Variants in UNC5C observed in about 807,000 individuals in gnomAD.
The protein encoded by UNC5C is unc-5 netrin receptor C, also known as netrin receptor UNC5C.
Under a neutral mutation model 99.8 loss-of-function variants are expected in UNC5C, and 47 were observed. The ratio of observed to expected loss-of-function variants is 0.47; its 90% CI spans 0.37 to 0.60. UNC5C has a LOEUF of 0.60. UNC5C is among the 20% of genes least tolerant of loss of function. The pLI is 0.00. For synonymous variants in UNC5C, 487 were observed against 452.2 expected (o/e 1.08, Z -0.98); for missense variants, 1,062 against 1,165.9 (o/e 0.91, Z 1.30).
chr4:95,247,862 C>G (rs1739558595), intron 5 of UNC5C: 1 of 152,294 alleles, frequency 6.6e-6, no homozygotes, highest in African/African-American at 2.4e-5. Context: ...TTATTTATGA[C>G]TGGCACATGC....
At chr4:95,544,662 A>T (rs1271922960) in intron 1 of UNC5C, among the ~76,000 whole-genome samples, 3 of 152,218 alleles carry the variant, frequency 2.0e-5, no homozygotes, top group Non-Finnish European at 1.5e-5. Flanking sequence ...ATTGCTTAAG[A>T]ACTTTACTTC....
At chr4:95,344,535 A>C (rs1034244480) in intron 1 of UNC5C, among the ~76,000 whole-genome samples, 1 of 152,116 alleles carries the variant, frequency 6.6e-6, no homozygotes, top group Non-Finnish European at 1.5e-5. Context: ...AGTATACGAA[A>C]AACACACAAT....
At chr4:95,387,676 TA>T (rs1253565995) in intron 1 of UNC5C, among the ~76,000 whole-genome samples, 8 of 152,246 alleles carry the variant, frequency 5.3e-5, no homozygotes, top group Admixed American at 5.2e-4. Flanking sequence ...TGAACTTTTG[TA>T]ATCTGCCAGT....
At chr4:95,284,179 T>C (rs1243583359) in intron 3 of UNC5C, among the ~76,000 whole-genome samples, 1 of 152,152 alleles carries the variant, frequency 6.6e-6, no homozygotes, top group African/African-American at 2.4e-5. Flanking sequence ...GCAGAATACA[T>C]GATTCATGGC....
chr4:95,469,376 T>A (rs1323036134), intron 1 of UNC5C, among the ~76,000 whole-genome samples: 1 of 152,172 alleles, frequency 6.6e-6, no homozygotes, highest in Non-Finnish European at 1.5e-5. Context: ...ATCTTTCACC[T>A]TCCTTTTGGT....
In UNC5C at chr4:95,519,159, C is replaced by T. The variant is rs144399674; in HGVS notation, c.124+29575G>A. Among the ~76,000 whole-genome samples the T allele has an allele frequency of 6.4e-3, 980 of 152,122 alleles. 12 individuals carry two copies. The highest frequency in any genetic ancestry group is 0.022 in the African/African-American group (914 of 41,516). On this transcript the variant is annotated intron_variant, in intron 1 of 15. Coordinates refer to ENST00000453304, the MANE Select transcript of UNC5C (RefSeq NM_003728.4). ...AGTTAAAGAGAATTTTATTATGATG[C>T]TTGAGTAGTCTGCTAAACTGCAAGC...
intron 4 of UNC5C, among the ~76,000 whole-genome samples, chr4:95,269,405 C>T (rs1006420579): frequency 3.3e-5 from 5 of 152,164 alleles, no homozygotes; most frequent in Non-Finnish European, 7.3e-5. Context: ...AGTGATCCTG[C>T]CACCTCAGTT....
rs1246523274 is a variant in UNC5C, at chr4:95,250,356, G to C, written c.775+131C>G. 4.1e-6 allele frequency: 4 copies of C among 975,030 alleles called. No individual in the cohort carries two copies. In the African/African-American group the frequency reaches 6.6e-5, roughly 16 times the overall value. The allele number at this position is 975,030 out of a possible 1,614,324, so 60.4% of individuals were successfully genotyped here. On this transcript the variant is annotated intron_variant, in intron 5 of 15. Transcript: ENST00000453304. ...GCTACGGTCATGCCATTGCACGCCA[G>C]CCTGGGTGACAGAGCAAGACCCTGT...
At chr4:95,431,912 T>A (rs1017276166) in intron 1 of UNC5C, among the ~76,000 whole-genome samples, 5 of 152,144 alleles carry the variant, frequency 3.3e-5, no homozygotes, top group African/African-American at 1.2e-4. Context: ...GCCACAGGCA[T>A]GATTTCTGAA....
chr4:95,181,273 CTG>C (rs1296447805), intron 14 of UNC5C, among the ~76,000 whole-genome samples: 1 of 152,220 alleles, frequency 6.6e-6, no homozygotes, highest in African/African-American at 2.4e-5. Context: ...AATCTTTCCT[CTG>C]TGTTGCCATA....
chr4:95,489,626 G>C (rs779470887), intron 1 of UNC5C, among the ~76,000 whole-genome samples: 51 of 151,676 alleles, frequency 3.4e-4, no homozygotes, highest in Non-Finnish European at 1.8e-4. Context: ...TGCCCTGGAA[G>C]GGAGCAGAGA....
intron 1 of UNC5C, among the ~76,000 whole-genome samples, chr4:95,529,161 A>G (rs1722572690): frequency 6.6e-6 from 1 of 151,390 alleles, no homozygotes; most frequent in South Asian, 2.1e-4. Flanking sequence ...ATTTCTCTCT[A>G]TGGGATATAC....
chr4:95,461,392 T>C (rs1432019378), intron 1 of UNC5C, among the ~76,000 whole-genome samples: 1 of 137,748 alleles, frequency 7.3e-6, no homozygotes, highest in Admixed American at 7.0e-5. Flanking sequence ...AAATACTGTA[T>C]TGTGAACATA....
chr4:95,319,144 T>C (rs1320233195), intron 2 of UNC5C, among the ~76,000 whole-genome samples: 3 of 152,204 alleles, frequency 2.0e-5, no homozygotes, highest in Admixed American at 2.0e-4. Flanking sequence ...AACATCTCTC[T>C]TGTACCCTGG....
At chr4:95,514,132 T>C (rs1168340304) in intron 1 of UNC5C, among the ~76,000 whole-genome samples, 1 of 152,174 alleles carries the variant, frequency 6.6e-6, no homozygotes, top group Non-Finnish European at 1.5e-5. Context: ...CATCGTCTCA[T>C]TCCACAGAAC....
At chr4:95,511,174 G>A (rs1012408192) in intron 1 of UNC5C, among the ~76,000 whole-genome samples, 1 of 152,138 alleles carries the variant, frequency 6.6e-6, no homozygotes, top group African/African-American at 2.4e-5. Context: ...TGCTGACCTT[G>A]TCAAATTAGC....
At chr4:95,342,812 A>G (rs963003465) in intron 1 of UNC5C, among the ~76,000 whole-genome samples, 9 of 151,898 alleles carry the variant, frequency 5.9e-5, no homozygotes, top group Admixed American at 5.9e-4. Context: ...CTGAAGGAAG[A>G]GTCACCACAA....
chr4:95,301,313 A>T (rs2149403879), intron 3 of UNC5C, among the ~76,000 whole-genome samples: 1 of 149,902 alleles, frequency 6.7e-6, no homozygotes, highest in Middle Eastern at 3.6e-3. Flanking sequence ...CTCCTGCCTC[A>T]GCCTCCCGAG....
rs368426117 is a variant in UNC5C at position 95,219,349 on chromosome 4, C to A, written c.1301-36G>T. 1.4e-5 allele frequency: 22 copies of A among 1,584,904 alleles called. No homozygotes were observed. The African/African-American group carries it at 2.8e-4, about 20-fold the overall frequency. On this transcript the variant is annotated intron_variant, in intron 8 of 15. Coordinates refer to ENST00000453304, the MANE Select transcript of UNC5C (RefSeq NM_003728.4). ...AAGAGAAAATAATCCCATTGGCATTCTCCATTCAGGCCAACCTACATTAGT... is the reference window on the plus strand; with the variant it reads ...AAGAGAAAATAATCCCATTGGCATTATCCATTCAGGCCAACCTACATTAGT...
Sources: gnomAD v4.1 joint callset for allele counts (sites outside exome capture counted in the v4.1 genomes callset) on GRCh38, gnomAD v4.1.1 for gene constraint, MANE v1.5 for transcripts, NCBI Gene and HGNC (gene_info 2026-07-23, HGNC 2026-07-21) for gene names.